TPD52L1: variants seen among roughly 807,000 people sequenced by gnomAD.
TPD52L1 encodes tumor protein D53.
A neutral mutation model predicts 28.7 loss-of-function variants in TPD52L1; 18 were observed. The ratio of observed to expected loss-of-function variants is 0.63; its 90% confidence interval spans 0.43 to 0.93. TPD52L1 has a LOEUF of 0.93. TPD52L1 is among the 40% of genes least tolerant of loss of function. The pLI is 0.00. For missense variants in TPD52L1, 203 were observed against 254.8 expected (o/e 0.80, Z 1.39); for synonymous variants, 75 against 88.8 (o/e 0.84, Z 0.88).
chr6:125,228,996 C>A, intron 2 of TPD52L1, 122 bp from the exon 3 acceptor site: 1 of 1,002,988 alleles, frequency 1.0e-6, no homozygotes, highest in Non-Finnish European at 1.4e-6. Flanking sequence ...ATTTGGCAAA[C>A]CTACACATGG....
rs534116786 is a variant in TPD52L1 at position 125,200,612 on chromosome 6, A to G, written c.20-19466A>G. Among the ~76,000 whole-genome samples the G allele has an allele frequency of 5.3e-5, 8 of 152,336 alleles. No individual in the cohort carries two copies. In the East Asian group the frequency reaches 1.3e-3, roughly 26 times the overall value. On this transcript the variant is annotated intron_variant, in intron 1 of 6. Coordinates refer to ENST00000534000, the MANE Select transcript of TPD52L1 (RefSeq NM_003287.4). Reference sequence around the variant, plus strand: ...AGCCAACATTAACAATTTGGTACATATCCTTTCTCAACTTTCTCAATGCTC... The same window carrying G: ...AGCCAACATTAACAATTTGGTACATGTCCTTTCTCAACTTTCTCAATGCTC...
chr6:125,173,745 C>T (rs1212286349), intron 1 of TPD52L1, among the ~76,000 whole-genome samples: 1 of 152,100 alleles, frequency 6.6e-6, no homozygotes, highest in Non-Finnish European at 1.5e-5. Flanking sequence ...GGAAAGTCTG[C>T]AGTCAAGTTA....
At chr6:125,241,135 C>T (rs752601117) in intron 3 of TPD52L1, among the ~76,000 whole-genome samples, 17 of 151,986 alleles carry the variant, frequency 1.1e-4, no homozygotes, top group Admixed American at 2.6e-4. Flanking sequence ...CATTTATTGA[C>T]TTGCATATGT....
At chr6:125,250,581 G>A (rs531977825) in intron 4 of TPD52L1, among the ~76,000 whole-genome samples, 1 of 152,320 alleles carries the variant, frequency 6.6e-6, no homozygotes, top group South Asian at 2.1e-4. Context: ...AGAAATTAGG[G>A]AGAGTACATT....
chr6:125,175,148 G>C (rs1274116511), intron 1 of TPD52L1, among the ~76,000 whole-genome samples: 3 of 152,062 alleles, frequency 2.0e-5, no homozygotes, highest in Non-Finnish European at 4.4e-5. Flanking sequence ...GCTCCTTGAG[G>C]GCAGGGGCTT....
chr6:125,221,025 C>T (rs1445157950), intron 2 of TPD52L1, among the ~76,000 whole-genome samples: 1 of 152,152 alleles, frequency 6.6e-6, no homozygotes, highest in Non-Finnish European at 1.5e-5. Flanking sequence ...TTGGCCTCTC[C>T]ACAGGCTGAG....
At chr6:125,191,044 T>C (rs1035666638) in intron 1 of TPD52L1, among the ~76,000 whole-genome samples, 3 of 152,216 alleles carry the variant, frequency 2.0e-5, no homozygotes, top group African/African-American at 7.2e-5. Context: ...ATATTAACTA[T>C]AGTGATTTGT....
chr6:125,225,970 AG>A (rs1172611119), intron 2 of TPD52L1, among the ~76,000 whole-genome samples: 2 of 152,188 alleles, frequency 1.3e-5, no homozygotes, highest in Non-Finnish European at 1.5e-5. Context: ...AGTCAAATAA[AG>A]GATTGAAGTT....
intron 3 of TPD52L1, among the ~76,000 whole-genome samples, chr6:125,231,810 G>A (rs989756281): frequency 6.6e-6 from 1 of 152,122 alleles, no homozygotes; most frequent in Non-Finnish European, 1.5e-5. Flanking sequence ...ATTGTGGTTA[G>A]GCTCATGGTT....
chr6:125,172,115 T>TCC (rs1491500174), intron 1 of TPD52L1, among the ~76,000 whole-genome samples: 1 of 59,110 alleles, frequency 1.7e-5, no homozygotes, highest in Non-Finnish European at 3.1e-5. Flanking sequence ...TTTCTTTCTT[T>TCC]CTTTCTTTCT....
chr6:125,204,624 C>T (rs1276910987), intron 1 of TPD52L1, among the ~76,000 whole-genome samples: 2 of 152,064 alleles, frequency 1.3e-5, no homozygotes, highest in African/African-American at 2.4e-5. Flanking sequence ...GGACTACAGG[C>T]GCCCGCCGTC....
At position 125,262,911 on chromosome 6, in the gene TPD52L1, G is replaced by C. The variant is rs1338866880; in HGVS notation, c.564G>C (p.Gln188His). Residue 188 changes from glutamine (Q) to histidine (H), a missense_variant, in exon 7 of 7, where the codon CAG becomes CAC. Physicochemically the swap from Gln to His is conservative, Grantham distance 24. Transcript: ENST00000534000. The part of the protein sequence containing the change: ...VLSSTAHASA[Q>H]SLAGGSRRTK... Reference sequence around the variant, plus strand: ...GCTCCACGGCCCATGCCAGTGCCCAGAGCTTGGCAGGAGGCTCCCGGCGGA... The same window carrying C: ...GCTCCACGGCCCATGCCAGTGCCCACAGCTTGGCAGGAGGCTCCCGGCGGA... 3 of 1,614,120 alleles carry C rather than the reference G, an allele frequency of 1.9e-6. No individual in the cohort carries two copies.
At chr6:125,207,057 T>C (rs533846080) in intron 1 of TPD52L1, among the ~76,000 whole-genome samples, 1 of 152,338 alleles carries the variant, frequency 6.6e-6, no homozygotes, top group South Asian at 2.1e-4. Flanking sequence ...GAAGACTTGA[T>C]TGTTTTTGTC....
chr6:125,224,648 G>T (rs140664049), intron 2 of TPD52L1, among the ~76,000 whole-genome samples: 1 of 152,322 alleles, frequency 6.6e-6, no homozygotes, highest in East Asian at 1.9e-4. Context: ...GTAGCCCAGA[G>T]AGGCAGGCCT....
At chr6:125,214,522 G>A in intron 1 of TPD52L1, 2 of 917,210 alleles carry the variant, frequency 2.2e-6, no homozygotes, top group Non-Finnish European at 2.6e-6. Context: ...GATGTCCTGG[G>A]CTTGGCTTTT....
At chr6:125,249,037 GGTTGA>G (rs1797091710) in intron 4 of TPD52L1, among the ~76,000 whole-genome samples, 1 of 151,566 alleles carries the variant, frequency 6.6e-6, no homozygotes. Flanking sequence ...TGACCATCAA[GGTTGA>G]TTTTGACTTG....
chr6:125,248,491 A>G, intron 4 of TPD52L1, 108 bp downstream of exon 4: 1 of 723,122 alleles, frequency 1.4e-6, no homozygotes, highest in Non-Finnish European at 2.3e-6. Context: ...TTTTATTTTA[A>G]TGGATAAAAA....
chr6:125,262,896 C>G lies in TPD52L1; in HGVS notation c.549C>G (p.Ala183=), dbSNP rs1272918797. ...TTGAGGAGGTCCTCAGCTCCACGGC[C>G]CATGCCAGTGCCCAGAGCTTGGCAG... ...GSFEEVLSST[A]HASAQSLAGG... The change falls in exon 7 of 7, where the codon GCC becomes GCG. Residue 183 remains alanine (A), a synonymous_variant. Coordinates refer to ENST00000534000, the MANE Select transcript of TPD52L1 (RefSeq NM_003287.4). 6 of 1,614,232 alleles carry G rather than the reference C, an allele frequency of 3.7e-6. No homozygotes were observed. The highest frequency in any genetic ancestry group is 1.3e-5 in the African/African-American group (1 of 75,074).
At chr6:125,170,405 T>C (rs77361707) in intron 1 of TPD52L1, among the ~76,000 whole-genome samples, 9,426 of 151,478 alleles carry the variant, frequency 0.062, 567 homozygotes, top group East Asian at 0.33. Context: ...ATAGAAATTT[T>C]TCTCTTAGGG....
Sources: gnomAD v4.1 joint callset for allele counts (sites outside exome capture counted in the v4.1 genomes callset) on GRCh38, gnomAD v4.1.1 for gene constraint, MANE v1.5 for transcripts, NCBI Gene and HGNC (gene_info 2026-07-23, HGNC 2026-07-21) for gene names.